Variants in ZRANB3 observed in about 807,000 individuals in gnomAD.
ZRANB3 encodes DNA annealing helicase and endonuclease ZRANB3.
ZRANB3 carries 125 observed loss-of-function variants against 133.8 expected under a neutral mutation model. The ratio of observed to expected loss-of-function variants is 0.93; its 90% CI spans 0.81 to 1.08. The LOEUF is 1.08. Ranked by LOEUF, ZRANB3 falls within the 50% of genes least tolerant of loss-of-function variation. ZRANB3 has a pLI of 0.00. For missense variants in ZRANB3, 1,229 were observed against 1,275.5 expected (o/e 0.96, Z 0.56); for synonymous variants, 387 against 432.7 (o/e 0.89, Z 1.31).
At chr2:135,448,316 T>C (rs1690120763) in intron 2 of ZRANB3, among the ~76,000 whole-genome samples, 2 of 152,234 alleles carry the variant, frequency 1.3e-5, no homozygotes, top group South Asian at 4.1e-4. Context: ...ATTGTTGAGT[T>C]GACATCAATA....
In ZRANB3 at chr2:135,353,503, G is replaced by A. The variant is rs781360687; in HGVS notation, c.306C>T (p.Ile102=). ...TGATTTCTTCTGGACTTAGCTCTGGGATCCATTTTTCAATTTCTTCTGTCC... is the reference window on the plus strand; with the variant it reads ...TGATTTCTTCTGGACTTAGCTCTGGAATCCATTTTTCAATTTCTTCTGTCC... ...YPWTEEIEKW[I]PELSPEEINV... The change falls in exon 4 of 21, where the codon ATC becomes ATT. Residue 102 remains isoleucine (I), a synonymous_variant. Coordinates refer to ENST00000264159, the MANE Select transcript of ZRANB3 (RefSeq NM_032143.4). 2 of 1,609,680 alleles carry A rather than the reference G, an allele frequency of 1.2e-6. No homozygotes were observed. The highest frequency in any genetic ancestry group is 1.7e-6 in the Non-Finnish European group (2 of 1,177,530).
In ZRANB3 at chr2:135,473,421, A is replaced by T. The variant is rs574003186; in HGVS notation, c.161+30908T>A. ...GGACATTGATATACTAACCAATTTT[A>T]TGGCATAACTGGAAAACTACTACCA... On this transcript the variant is annotated intron_variant, in intron 2 of 20. Coordinates refer to ENST00000264159, the MANE Select transcript of ZRANB3 (RefSeq NM_032143.4). 2.0e-5 allele frequency among the ~76,000 whole-genome samples: 3 copies of T among 152,200 alleles called. No individual in the cohort carries two copies. In the South Asian group the frequency reaches 6.2e-4, roughly 31 times the overall value.
At chr2:135,371,067 C>A (rs1404314172) in intron 3 of ZRANB3, among the ~76,000 whole-genome samples, 1 of 152,164 alleles carries the variant, frequency 6.6e-6, no homozygotes, top group African/African-American at 2.4e-5. Flanking sequence ...ATTGCCCAGT[C>A]TCAGGTATTT....
intron 2 of ZRANB3, among the ~76,000 whole-genome samples, chr2:135,400,498 G>A (rs954555899): frequency 1.3e-5 from 2 of 151,888 alleles, no homozygotes; most frequent in East Asian, 3.9e-4. Flanking sequence ...GGCAAGATGG[G>A]GTTTCACCAT....
At chr2:135,241,212 G>A (rs1695534387) in intron 12 of ZRANB3, among the ~76,000 whole-genome samples, 1 of 151,760 alleles carries the variant, frequency 6.6e-6, no homozygotes, top group Non-Finnish European at 1.5e-5. Context: ...ACACATTTAT[G>A]TCTTACCTTT....
intron 6 of ZRANB3, among the ~76,000 whole-genome samples, chr2:135,325,223 C>G (rs1683748670): frequency 6.6e-6 from 1 of 152,088 alleles, no homozygotes; most frequent in South Asian, 2.1e-4. Context: ...AGTTGAAGGA[C>G]TTAAACTTGC....
At chr2:135,420,131 T>C (rs1037639436) in intron 2 of ZRANB3, among the ~76,000 whole-genome samples, 7 of 116,430 alleles carry the variant, frequency 6.0e-5, no homozygotes, top group Admixed American at 9.8e-5. Context: ...ATATAACTTA[T>C]AGAGGATATT....
intron 3 of ZRANB3, among the ~76,000 whole-genome samples, chr2:135,379,398 T>C (rs1011886908): frequency 6.6e-6 from 1 of 152,164 alleles, no homozygotes; most frequent in Non-Finnish European, 1.5e-5. Context: ...GTCTCAAAAA[T>C]AGAAAGTCTG....
chr2:135,264,935 G>GA (rs971277467), intron 12 of ZRANB3, among the ~76,000 whole-genome samples: 2 of 152,026 alleles, frequency 1.3e-5, no homozygotes, highest in African/African-American at 4.8e-5. Flanking sequence ...TTTTAGTAGA[G>GA]ACAGGGTTTC....
chr2:135,254,764 T>TC (rs371946297), intron 12 of ZRANB3, among the ~76,000 whole-genome samples: 1 of 152,092 alleles, frequency 6.6e-6, no homozygotes, highest in African/African-American at 2.4e-5. Flanking sequence ...CTTTTTTTTT[T>TC]CTTTGAGACA....
intron 1 of ZRANB3, among the ~76,000 whole-genome samples, chr2:135,525,217 A>C (rs1694101520): frequency 6.6e-6 from 1 of 152,204 alleles, no homozygotes; most frequent in African/African-American, 2.4e-5. Context: ...CTAAACACCA[A>C]AGGATAATAA....
At chr2:135,494,012 C>T (rs1251147587) in intron 2 of ZRANB3, among the ~76,000 whole-genome samples, 2 of 151,316 alleles carry the variant, frequency 1.3e-5, no homozygotes, top group Non-Finnish European at 2.9e-5. Flanking sequence ...TGTTCCAAAA[C>T]AGAGAAAACT....
At chr2:135,354,004 A>C (rs1463635782) in intron 3 of ZRANB3, among the ~76,000 whole-genome samples, 2 of 152,182 alleles carry the variant, frequency 1.3e-5, no homozygotes, top group Non-Finnish European at 2.9e-5. Context: ...GCTGTCTAAA[A>C]AAAAATGTAT....
intron 3 of ZRANB3, among the ~76,000 whole-genome samples, chr2:135,380,787 A>C (rs1370510685): frequency 6.6e-6 from 1 of 152,228 alleles, no homozygotes; most frequent in Non-Finnish European, 1.5e-5. Context: ...TTCAAAAGCT[A>C]GCAGAAGGCA....
intron 2 of ZRANB3, among the ~76,000 whole-genome samples, chr2:135,463,037 A>G (rs1351380152): frequency 6.6e-6 from 1 of 152,216 alleles, no homozygotes; most frequent in Non-Finnish European, 1.5e-5. Flanking sequence ...GCTTTTAAAA[A>G]AATATCCAAG....
chr2:135,485,456 G>A (rs1448254349), intron 2 of ZRANB3, among the ~76,000 whole-genome samples: 1 of 152,148 alleles, frequency 6.6e-6, no homozygotes, highest in Non-Finnish European at 1.5e-5. Context: ...GAAGATACAG[G>A]CATACCTCCA....
rs184758254 is a variant in ZRANB3, at chr2:135,313,859, A to G, written c.850-254T>C. On this transcript the variant is annotated intron_variant, in intron 7 of 20. Coordinates refer to ENST00000264159, the MANE Select transcript of ZRANB3 (RefSeq NM_032143.4). ...CTTTGCTAACAGCATAAATCAAACA[A>G]TTATAATTTCTTCTTTTTTTTTGAG... 1.4e-3 allele frequency among the ~76,000 whole-genome samples: 206 copies of G among 152,200 alleles called. 3 individuals are homozygous for G. The highest frequency in any genetic ancestry group is 2.3e-3 in the Admixed American group (35 of 15,284).
chr2:135,456,128 G>A (rs1304054928), intron 2 of ZRANB3, among the ~76,000 whole-genome samples: 1 of 152,090 alleles, frequency 6.6e-6, no homozygotes, highest in East Asian at 1.9e-4. Context: ...ATGTTGATTA[G>A]GGTAGACTTG....
At chr2:135,404,675 G>T (rs1687919779) in intron 2 of ZRANB3, among the ~76,000 whole-genome samples, 1 of 152,078 alleles carries the variant, frequency 6.6e-6, no homozygotes, top group Admixed American at 6.6e-5. Flanking sequence ...TGAAATGAAG[G>T]AAAAAATGTT....
Sources: gnomAD v4.1 joint callset for allele counts (sites outside exome capture counted in the v4.1 genomes callset) on GRCh38, gnomAD v4.1.1 for gene constraint, MANE v1.5 for transcripts, NCBI Gene and HGNC (gene_info 2026-07-23, HGNC 2026-07-21) for gene names.